Variants in CCDC13 observed in about 807,000 individuals in gnomAD.
The protein encoded by CCDC13 is coiled-coil domain containing 13.
CCDC13 carries 70 observed loss-of-function variants against 87.3 expected under a neutral mutation model. The observed-to-expected ratio is 0.80, with a 90% confidence interval of 0.66 to 0.98. The LOEUF is 0.98. Among genes scored for constraint, CCDC13 ranks in the 50% least tolerant of loss-of-function variants. CCDC13 has a pLI of 0.00. For synonymous variants in CCDC13, 317 were observed against 360.3 expected, an observed-to-expected ratio of 0.88 and a Z score of 1.36; for missense variants, 842 against 892.0, an observed-to-expected ratio of 0.94 and a Z score of 0.71.
downstream of CCDC13, chr3:42,704,233 G>C (rs991973527): frequency 3.9e-5 from 6 of 152,332 alleles, no homozygotes; most frequent in Non-Finnish European, 7.3e-5. Flanking sequence ...GATCAGCCCT[G>C]TAAGCTCCTG....
chr3:42,716,661 T>C lies in CCDC13; in HGVS notation c.1719-3345A>G, dbSNP rs79907588. 5.2e-4 allele frequency among the ~76,000 whole-genome samples: 79 copies of C among 152,296 alleles called. No homozygotes were observed. The East Asian group carries it at 0.013, about 25-fold the overall frequency. On this transcript the variant is annotated intron_variant, in intron 13 of 15. Coordinates refer to ENST00000310232, the MANE Select transcript of CCDC13 (RefSeq NM_144719.4). Reference sequence around the variant, plus strand: ...AGATATCACTTCAAACCTACTAGGATGGCTATTATTGAAAAAAAGGAAAAT... The same window carrying C: ...AGATATCACTTCAAACCTACTAGGACGGCTATTATTGAAAAAAAGGAAAAT...
intron 13 of CCDC13, among the ~76,000 whole-genome samples, chr3:42,727,307 G>A (rs890052293): frequency 2.0e-5 from 3 of 152,164 alleles, no homozygotes; most frequent in Non-Finnish European, 4.4e-5. Context: ...GGGAGGCGGA[G>A]GTTGCAGTAA....
intron 1 of CCDC13, among the ~76,000 whole-genome samples, chr3:42,764,664 C>A (rs1699898101): frequency 6.6e-6 from 1 of 152,138 alleles, no homozygotes; most frequent in African/African-American, 2.4e-5. Context: ...TGGATTAAGC[C>A]CAGTGGCATC....
chr3:42,720,119 T>G (rs1235414329), intron 13 of CCDC13, among the ~76,000 whole-genome samples: 1 of 152,232 alleles, frequency 6.6e-6, no homozygotes, highest in Non-Finnish European at 1.5e-5. Context: ...GAGCATTAGA[T>G]TCTACATAAG....
At chr3:42,709,613 G>T in intron 15 of CCDC13, 71 bp downstream of exon 15, 1 of 1,218,200 alleles carries the variant, frequency 8.2e-7, no homozygotes, top group Non-Finnish European at 1.2e-6. Context: ...GAGGGACACA[G>T]TCCCTCTGCC....
Position 42,713,226 on chromosome 3 carries a change from C to A in CCDC13, c.1809G>T (p.Glu603Asp). 1 of 1,614,218 alleles carries A rather than the reference C, an allele frequency of 6.2e-7. No homozygotes were observed. Among genetic ancestry groups the A allele is most frequent in the Non-Finnish European group, 8.5e-7 (1 of 1,180,028 alleles). ...CCTTCCCTGGCTCCAGGCGTATCTT[C>A]TCCAGATGTTGCTCCAGCACCACGG... ...HRTVVLEQHL[E>D]KIRLEPGKAS... Residue 603 changes from glutamate (E) to aspartate (D), a missense_variant, in exon 14 of 16, where the codon GAG becomes GAT. Glu to Asp is a conservative substitution (Grantham distance 45). Transcript: ENST00000310232.
chr3:42,771,060 C>A (rs751971391), intron 1 of CCDC13: 1 of 152,128 alleles, frequency 6.6e-6, no homozygotes, highest in African/African-American at 2.4e-5. Flanking sequence ...GAGAAAAAAA[C>A]AAGATGTACT....
Position 42,745,948 on chromosome 3 carries a change from T to C in CCDC13, c.800A>G (p.Gln267Arg). 6.2e-7 allele frequency: 1 copy of C among 1,613,936 alleles called. No homozygotes were observed. Among genetic ancestry groups the C allele is most frequent in the South Asian group, 1.1e-5 (1 of 91,076 alleles). ...CTTGCTCTGCAAAACAAGAATTTGT[T>C]GAGCCCGACCCCTCCAGGTCCCTGG... ...SSPGTWRGRA[Q>R]QILVLQSKVQ... is the part of the protein sequence containing the mutation. Residue 267 changes from glutamine (Q) to arginine (R), a missense_variant, in exon 7 of 16, where the codon CAA becomes CGA. Transcript: ENST00000310232.
rs551381285 is a variant in CCDC13 at position 42,718,050 on chromosome 3, G to A, written c.1719-4734C>T. On this transcript the variant is annotated intron_variant, in intron 13 of 15. Transcript: ENST00000310232. ...AAAGCACAGTGGTTTTGTCAGAGGC[G>A]TTTGAACAAGAGCAACTCCATCTTA... 7 of 152,338 alleles carry A rather than the reference G, an allele frequency of 4.6e-5. No homozygotes were observed. The South Asian group carries it at 8.3e-4, about 18-fold the overall frequency. The allele number at this position is 152,338 out of a possible 1,614,324, so 9.4% of individuals were successfully genotyped here. A position where few individuals can be genotyped will look rare whatever the true frequency, so the allele number is the denominator to read the frequency against.
At position 42,752,005 on chromosome 3, in the gene CCDC13, C is replaced by A. The variant is rs1438270581; in HGVS notation, c.534G>T (p.Arg178Ser). Residue 178 changes from arginine to serine, a missense_variant, in exon 5 of 16, where the codon AGG becomes AGT. By Grantham distance (110) the Arg-to-Ser change is moderately radical. Transcript: ENST00000310232. Reference protein sequence around the residue: ...LERELQTALTRLSAKGATDAG... With the variant: ...LERELQTALTSLSAKGATDAG... The stretch of plus-strand genomic sequence containing the variant: ...CGTCGGTGGCCCCCTTGGCTGACAG[C>A]CTGGTCAGGGCTGTCTGCAGCTGAA... 2 of 1,608,176 alleles carry A rather than the reference C, an allele frequency of 1.2e-6. No homozygotes were observed. Among genetic ancestry groups the A allele is most frequent in the Non-Finnish European group, 1.7e-6 (2 of 1,179,994 alleles).
At chr3:42,740,238 A>G (rs1410515438) in intron 8 of CCDC13, among the ~76,000 whole-genome samples, 1 of 152,222 alleles carries the variant, frequency 6.6e-6, no homozygotes, top group Non-Finnish European at 1.5e-5. Flanking sequence ...ACCTTGCACC[A>G]CCAGGAGCTA....
chr3:42,746,116 G>A (rs1045118108), intron 6 of CCDC13, 89 bp from the exon 7 acceptor site: 1 of 984,140 alleles, frequency 1.0e-6, no homozygotes, highest in African/African-American at 1.6e-5. Context: ...ATATTCAGAA[G>A]CAGTCTTCAC....
At chr3:42,705,587 C>T (rs529449032), downstream of CCDC13, among the ~76,000 whole-genome samples, 301 of 152,294 alleles carry the variant, frequency 2.0e-3, no homozygotes, top group African/African-American at 7.0e-3. Context: ...CCCCTCAACC[C>T]GCCAGGGCAC....
In CCDC13 at chr3:42,709,688, T is replaced by C. The variant is rs1698257672; in HGVS notation, c.1984A>G (p.Thr662Ala). 3 of 1,613,518 alleles carry C rather than the reference T, an allele frequency of 1.9e-6. No homozygotes were observed. The highest frequency in any genetic ancestry group is 4.5e-5 in the East Asian group (2 of 44,872). Residue 662 changes from threonine to alanine, a missense_variant, in exon 15 of 16, where the codon ACC becomes GCC. By Grantham distance (58) the Thr-to-Ala change is moderately conservative. Coordinates refer to ENST00000310232, the MANE Select transcript of CCDC13 (RefSeq NM_144719.4). Reference sequence around the variant, plus strand: ...GAAGGCGGGGCAGGGGAGCACCTGGTTGTCAGCTCTTCCATTTGGGATTCC... The same window carrying C: ...GAAGGCGGGGCAGGGGAGCACCTGGCTGTCAGCTCTTCCATTTGGGATTCC... ...PVESQMEELT[T>A]RLAIQVEENE...
At chr3:42,709,607 G>C in intron 15 of CCDC13, 77 bp downstream of exon 15, 1 of 1,167,546 alleles carries the variant, frequency 8.6e-7, no homozygotes, top group Non-Finnish European at 1.3e-6. Context: ...CAAGGGGAGG[G>C]ACACAGTCCC....
chr3:42,735,144 C>A (rs558881889), intron 10 of CCDC13, among the ~76,000 whole-genome samples: 31 of 152,294 alleles, frequency 2.0e-4, no homozygotes, highest in African/African-American at 7.5e-4. Context: ...CTAGGTAAGA[C>A]CTAAAGGCTG....
intron 5 of CCDC13, among the ~76,000 whole-genome samples, chr3:42,748,790 G>A (rs1699490760): frequency 6.6e-6 from 1 of 152,150 alleles, no homozygotes; most frequent in Non-Finnish European, 1.5e-5. Context: ...TGAACAGAAT[G>A]TGCCAACTCG....
chr3:42,709,726 G>C lies in CCDC13; in HGVS notation c.1946C>G (p.Ser649Cys). 5 of 1,614,146 alleles carry C rather than the reference G, an allele frequency of 3.1e-6. No individual in the cohort carries two copies. Among genetic ancestry groups the C allele is most frequent in the Non-Finnish European group, 4.2e-6 (5 of 1,179,986 alleles). The change falls in exon 15 of 16, where the codon TCC becomes TGC. Residue 649 changes from serine (S) to cysteine (C), a missense_variant. Coordinates refer to ENST00000310232, the MANE Select transcript of CCDC13 (RefSeq NM_144719.4). Reference protein sequence around the residue: ...EKKDPSFAQLSDVPVESQMEE... With the variant: ...EKKDPSFAQLCDVPVESQMEE... ...CATTTGGGATTCCACGGGCACATCG[G>C]AGAGCTGGGCAAAGGATGGGTCCTT...
At chr3:42,762,415 G>A (rs1350800206) in intron 1 of CCDC13, among the ~76,000 whole-genome samples, 4 of 152,296 alleles carry the variant, frequency 2.6e-5, no homozygotes, top group Non-Finnish European at 4.4e-5. Context: ...TGGGGACCTT[G>A]GGCCATTCCA....
Sources: gnomAD v4.1 joint callset for allele counts (sites outside exome capture counted in the v4.1 genomes callset) on GRCh38, gnomAD v4.1.1 for gene constraint, MANE v1.5 for transcripts, NCBI Gene and HGNC (gene_info 2026-07-23, HGNC 2026-07-21) for gene names.